Variants in KMT5C observed in about 807,000 individuals in gnomAD.
KMT5C encodes histone-lysine N-methyltransferase KMT5C.
Under a neutral mutation model 38.2 loss-of-function variants are expected in KMT5C, and 16 were observed. The ratio of observed to expected loss-of-function variants is 0.42; its 90% CI spans 0.28 to 0.64. KMT5C has a LOEUF of 0.64. KMT5C is among the 30% of genes least tolerant of loss of function. The probability of loss-of-function intolerance (pLI) is 0.23; values close to 1 mark genes in which losing one functional copy is unlikely to be tolerated. For missense variants in KMT5C, 598 were observed against 665.1 expected (o/e 0.90, Z 1.11); for synonymous variants, 291 against 279.0 (o/e 1.04, Z -0.43).
At position 55,343,467 on chromosome 19, in the gene KMT5C, G is replaced by A; in HGVS notation, c.387-213G>A. ...GTGCGTGCTGCCCTGAAGGCTTTCA[G>A]TAGAAGGGTCCTGTGGGGCTGTGGG... On this transcript the variant is annotated intron_variant, in intron 4 of 8. Transcript: ENST00000255613. The surrounding 1 kb of genome is among the most constrained non-coding windows in gnomAD (Gnocchi z 5.5). 1 of 595,796 alleles carries A rather than the reference G, an allele frequency of 1.7e-6. No homozygotes were observed. The highest frequency in any genetic ancestry group is 3.0e-6 in the Non-Finnish European group (1 of 334,738). The allele number at this position is 595,796 out of a possible 1,614,324, so 36.9% of individuals were successfully genotyped here. A position where few individuals can be genotyped will look rare whatever the true frequency, so the allele number is the denominator to read the frequency against.
At position 55,342,401 on chromosome 19, in the gene KMT5C, C is replaced by T. The variant is rs1207525584; in HGVS notation, c.276+21C>T. 8 of 1,453,110 alleles carry T rather than the reference C, an allele frequency of 5.5e-6. No individual in the cohort carries two copies. In the Admixed American group the frequency reaches 9.7e-5, roughly 18 times the overall value. The allele number at this position is 1,453,110 out of a possible 1,614,324, so 90.0% of individuals were successfully genotyped here. A position where few individuals can be genotyped will look rare whatever the true frequency, so the allele number is the denominator to read the frequency against. Reference sequence around the variant, plus strand: ...CCCACGTGAGGGCGCCCTCCCCTCCCCCGCCCTCACCGCGTGTCCTCCCCG... The same window carrying T: ...CCCACGTGAGGGCGCCCTCCCCTCCTCCGCCCTCACCGCGTGTCCTCCCCG... On this transcript the variant is annotated intron_variant, in intron 3 of 8. Transcript: ENST00000255613.
At chr19:55,344,287 G>A (rs900128177) in intron 6 of KMT5C, 9 of 316,352 alleles carry the variant, frequency 2.8e-5, no homozygotes, top group South Asian at 1.0e-4. Flanking sequence ...GTGTGAACCC[G>A]GGAGGCGGAG....
rs1239763330 is a variant in KMT5C at position 55,346,695 on chromosome 19, C to T, written c.895+8C>T. The stretch of plus-strand genomic sequence containing the variant: ...GCCGGGACCCATTCTGCGGTGAGCA[C>T]CCCTCCCTGCCATCCCAGCAGCCCC... On this transcript the variant is annotated splice_region_variant and intron_variant, in intron 8 of 8. Transcript: ENST00000255613. 6.5e-7 allele frequency: 1 copy of T among 1,537,896 alleles called. No homozygotes were observed. The highest frequency in any genetic ancestry group is 8.8e-7 in the Non-Finnish European group (1 of 1,140,868).
chr19:55,344,779 G>A (rs10405385), intron 6 of KMT5C: 6,456 of 527,730 alleles, frequency 0.012, 348 homozygotes, highest in African/African-American at 0.11. Context: ...GAAGGAATCA[G>A]GAGGGTTGGC....
chr19:55,345,145 C>T (rs1204640687), intron 6 of KMT5C: 3 of 436,672 alleles, frequency 6.9e-6, no homozygotes, highest in South Asian at 3.2e-5. Flanking sequence ...AGCTCTCCAG[C>T]GATCTAGAAC....
At position 55,347,624 on chromosome 19, in the gene KMT5C, T is replaced by C; in HGVS notation, c.*175T>C. On this transcript the variant is annotated 3_prime_UTR_variant, in exon 9 of 9. Transcript: ENST00000255613. The surrounding 1 kb of genome is among the most constrained non-coding windows in gnomAD (Gnocchi z 4.6). ...CCCCAGGGATCTGAGCCCTGACCCT[T>C]TGTGACTGCTGACCCCTGAGCCACC... The C allele has an allele frequency of 9.1e-7, 1 of 1,097,170 alleles. No individual in the cohort carries two copies. The highest frequency in any genetic ancestry group is 1.2e-6 in the Non-Finnish European group (1 of 821,026). The allele number at this position is 1,097,170 out of a possible 1,614,324, so 68.0% of individuals were successfully genotyped here.
chr19:55,341,190 T>C (rs2089552595), intron 1 of KMT5C, among the ~76,000 whole-genome samples: 1 of 152,172 alleles, frequency 6.6e-6, no homozygotes, highest in South Asian at 2.1e-4. Flanking sequence ...CTCCCCATAG[T>C]CTTCCTTTGC....
Position 55,343,617 on chromosome 19 carries a change from T to C in KMT5C, c.387-63T>C. On this transcript the variant is annotated intron_variant, in intron 4 of 8. Transcript: ENST00000255613. The surrounding 1 kb of genome is among the most constrained non-coding windows in gnomAD (Gnocchi z 5.5). ...GGTGCCTCTGTGCCGGAGGCCCGAG[T>C]CCCCTGAACACCTGCAGGAGGCCAG... 1 of 1,510,054 alleles carries C rather than the reference T, an allele frequency of 6.6e-7. No individual in the cohort carries two copies. Among genetic ancestry groups the C allele is most frequent in the South Asian group, 1.2e-5 (1 of 83,054 alleles). The allele number at this position is 1,510,054 out of a possible 1,614,324, so 93.5% of individuals were successfully genotyped here.
At chr19:55,344,998 G>A in intron 6 of KMT5C, 3 of 458,390 alleles carry the variant, frequency 6.5e-6, no homozygotes, top group South Asian at 4.6e-5. Context: ...GTGCCGGAGG[G>A]TTTTGGACAG....
chr19:55,341,791 C>G lies in KMT5C; in HGVS notation c.-143-3C>G. ...CAGCACTGCTTTTCTCCCCATTTTGCAGATGAGATCGTGGGGCTCACCAGC... is the reference window on the plus strand; with the variant it reads ...CAGCACTGCTTTTCTCCCCATTTTGGAGATGAGATCGTGGGGCTCACCAGC... On this transcript the variant is annotated splice_region_variant and splice_polypyrimidine_tract_variant and intron_variant, in intron 1 of 8. Transcript: ENST00000255613. 1 of 646,842 alleles carries G rather than the reference C, an allele frequency of 1.5e-6. No homozygotes were observed. Among genetic ancestry groups the G allele is most frequent in the Non-Finnish European group, 2.8e-6 (1 of 358,276 alleles). The allele number at this position is 646,842 out of a possible 1,614,324, so 40.1% of individuals were successfully genotyped here.
chr19:55,345,795 G>T (rs532335378), intron 6 of KMT5C, among the ~76,000 whole-genome samples: 1 of 152,316 alleles, frequency 6.6e-6, no homozygotes, highest in East Asian at 1.9e-4. Context: ...GAGAAGCGGG[G>T]GCGGCCCGCA....
rs540186927 is a variant in KMT5C at position 55,340,806 on chromosome 19, C to T, written c.-144+849C>T. ...CATCCCTTCCTCACACCCCTCTGAG[C>T]GCCCCCAGGCCCGGCTGCAGCCTTC... On this transcript the variant is annotated intron_variant, in intron 1 of 8. Coordinates refer to ENST00000255613, the MANE Select transcript of KMT5C (RefSeq NM_032701.4). 2.0e-5 allele frequency among the ~76,000 whole-genome samples: 3 copies of T among 151,590 alleles called. No individual in the cohort carries two copies. The East Asian group carries it at 5.9e-4, about 30-fold the overall frequency.
chr19:55,340,249 A>AC (rs1326456245), intron 1 of KMT5C, among the ~76,000 whole-genome samples: 2 of 143,620 alleles, frequency 1.4e-5, no homozygotes, highest in Admixed American at 6.9e-5. Flanking sequence ...CTCTCCCTGC[A>AC]CCCCCCAGGG....
In KMT5C at chr19:55,347,602, C is replaced by T; in HGVS notation, c.*153C>T. 7.8e-7 allele frequency: 1 copy of T among 1,285,184 alleles called. No individual in the cohort carries two copies. The highest frequency in any genetic ancestry group is 2.4e-4 in the Middle Eastern group (1 of 4,110). The allele number at this position is 1,285,184 out of a possible 1,614,324, so 79.6% of individuals were successfully genotyped here. A position where few individuals can be genotyped will look rare whatever the true frequency, so the allele number is the denominator to read the frequency against. On this transcript the variant is annotated 3_prime_UTR_variant, in exon 9 of 9. Coordinates refer to ENST00000255613, the MANE Select transcript of KMT5C (RefSeq NM_032701.4). The surrounding 1 kb of genome is among the most constrained non-coding windows in gnomAD (Gnocchi z 4.6). The stretch of plus-strand genomic sequence containing the variant: ...GGAATGGGGTTGGTTTGGACACCCC[C>T]AGGGATCTGAGCCCTGACCCTTTGT...
chr19:55,346,047 C>A, intron 6 of KMT5C, 166 bp from the exon 7 acceptor site: 1 of 720,456 alleles, frequency 1.4e-6, no homozygotes, highest in Non-Finnish European at 2.3e-6. Context: ...AGGCAAAGGA[C>A]AGGCCCTCGG....
In KMT5C at chr19:55,343,108, G is replaced by A. The variant is rs1014699492; in HGVS notation, c.386+257G>A. 8 of 466,340 alleles carry A rather than the reference G, an allele frequency of 1.7e-5. No individual in the cohort carries two copies. The highest frequency in any genetic ancestry group is 1.6e-4 in the African/African-American group (8 of 50,696). The allele number at this position is 466,340 out of a possible 1,614,324, so 28.9% of individuals were successfully genotyped here. A position where few individuals can be genotyped will look rare whatever the true frequency, so the allele number is the denominator to read the frequency against. On this transcript the variant is annotated intron_variant, in intron 4 of 8. Coordinates refer to ENST00000255613, the MANE Select transcript of KMT5C (RefSeq NM_032701.4). The surrounding 1 kb of genome is among the most constrained non-coding windows in gnomAD (Gnocchi z 5.5). ...GAACTAGGCTTCTGGTCAGGGCCGTGCTGTCCTTACCTCCTTGTGACCTGA... is the reference window on the plus strand; with the variant it reads ...GAACTAGGCTTCTGGTCAGGGCCGTACTGTCCTTACCTCCTTGTGACCTGA...
Position 55,347,726 on chromosome 19 carries a change from C to G in KMT5C, c.*277C>G. ...CAGCCTCAGGACTGCAGGAGCCATC[C>G]GCCCCCCTCAGCCCCTTCCTCCCCA... On this transcript the variant is annotated 3_prime_UTR_variant, in exon 9 of 9. Transcript: ENST00000255613. The surrounding 1 kb of genome is among the most constrained non-coding windows in gnomAD (Gnocchi z 4.6). The G allele has an allele frequency of 2.1e-6, 1 of 474,544 alleles. No homozygotes were observed. The highest frequency in any genetic ancestry group is 3.6e-6 in the Non-Finnish European group (1 of 275,786). The allele number at this position is 474,544 out of a possible 1,614,324, so 29.4% of individuals were successfully genotyped here. A position where few individuals can be genotyped will look rare whatever the true frequency, so the allele number is the denominator to read the frequency against.
At chr19:55,345,311 C>G (rs1047720384) in intron 6 of KMT5C, 2 of 352,126 alleles carry the variant, frequency 5.7e-6, no homozygotes, top group Non-Finnish European at 1.1e-5. Flanking sequence ...GCAGCAAGGC[C>G]TTGGGGTCCG....
intron 6 of KMT5C, among the ~76,000 whole-genome samples, chr19:55,345,792 G>A (rs1006598697): frequency 7.9e-5 from 12 of 152,188 alleles, no homozygotes; most frequent in South Asian, 2.1e-4. Flanking sequence ...TCAGAGAAGC[G>A]GGGGCGGCCC....
Sources: gnomAD v4.1 joint callset for allele counts (sites outside exome capture counted in the v4.1 genomes callset) on GRCh38, gnomAD v4.1.1 for gene constraint, Gnocchi (gnomAD v3.1) non-coding constraint, MANE v1.5 for transcripts, NCBI Gene and HGNC (gene_info 2026-07-23, HGNC 2026-07-21) for gene names.